ERMAP: variants seen among roughly 807,000 people sequenced by gnomAD.
ERMAP encodes the protein erythroblast membrane associated protein (Scianna blood group), also known as erythroid membrane-associated protein.
In ERMAP, 34 loss-of-function variants were observed where a neutral mutation model predicts 49.5. That is an observed-to-expected ratio of 0.69 (90% CI 0.52 to 0.91). ERMAP has a LOEUF of 0.91. Ranked by LOEUF, ERMAP falls within the 40% of genes least tolerant of loss-of-function variation. The pLI is 0.00. For synonymous variants in ERMAP, 214 were observed against 232.2 expected, an observed-to-expected ratio of 0.92 and a Z score of 0.71; for missense variants, 541 against 582.6, an observed-to-expected ratio of 0.93 and a Z score of 0.74.
chr1:42,834,352 G>A (rs1654832408), intron 4 of ERMAP, among the ~76,000 whole-genome samples: 1 of 152,172 alleles, frequency 6.6e-6, no homozygotes, highest in African/African-American at 2.4e-5. Flanking sequence ...GATTGACAGG[G>A]GTAAACAGGC....
chr1:42,817,948 G>A (rs1484748994), intron 1 of ERMAP: 2 of 152,128 alleles, frequency 1.3e-5, no homozygotes, highest in African/African-American at 2.4e-5. Flanking sequence ...TAATGTATAC[G>A]TGTATATTAT....
chr1:42,835,626 G>T, intron 5 of ERMAP, 106 bp from the exon 6 acceptor site: 1 of 1,455,536 alleles, frequency 6.9e-7, no homozygotes, highest in South Asian at 1.3e-5. Flanking sequence ...TACCTGTAGT[G>T]ACAAGGAGTC....
At chr1:42,817,375 C>G (rs1434021504) in intron 1 of ERMAP, 122 bp downstream of exon 1, 1 of 553,658 alleles carries the variant, frequency 1.8e-6, no homozygotes, top group Non-Finnish European at 2.4e-6. Flanking sequence ...CTTCCGCCCG[C>G]AGGAGCGGCC....
At position 42,830,260 on chromosome 1, in the gene ERMAP, C is replaced by T. The variant is rs1165054801; in HGVS notation, c.-5-184C>T. ...TTTACCCATTTTGAAGATGAAGAAA[C>T]ACAGTCTCAGAGAAGTTCGGTCACA... On this transcript the variant is annotated intron_variant, in intron 2 of 11. Coordinates refer to ENST00000372517, the MANE Select transcript of ERMAP (RefSeq NM_001017922.2). The T allele has an allele frequency of 5.0e-6, 3 of 596,914 alleles. No individual in the cohort carries two copies. In the African/African-American group the frequency reaches 5.6e-5, roughly 11 times the overall value. The allele number at this position is 596,914 out of a possible 1,614,324, so 37.0% of individuals were successfully genotyped here.
chr1:42,830,178 G>C (rs372826881), intron 2 of ERMAP: 2 of 487,366 alleles, frequency 4.1e-6, no homozygotes, highest in African/African-American at 1.9e-5. Context: ...GCCAGCCTCT[G>C]TGTGAGCATT....
chr1:42,823,261 T>TTA (rs1654448572), intron 1 of ERMAP, among the ~76,000 whole-genome samples: 1 of 152,228 alleles, frequency 6.6e-6, no homozygotes, highest in Admixed American at 6.5e-5. Context: ...AATGAATGTT[T>TTA]TACCCATGCA....
At chr1:42,820,268 T>C (rs1654373025) in intron 1 of ERMAP, among the ~76,000 whole-genome samples, 1 of 152,190 alleles carries the variant, frequency 6.6e-6, no homozygotes, top group African/African-American at 2.4e-5. Flanking sequence ...TGAACGTTCA[T>C]AACAAACTGT....
chr1:42,842,456 C>G, intron 11 of ERMAP, 61 bp from the exon 12 acceptor site: 1 of 1,463,252 alleles, frequency 6.8e-7, no homozygotes, highest in Non-Finnish European at 9.2e-7. Flanking sequence ...CCCTCCAAAG[C>G]CATCCCCAAA....
chr1:42,833,554 C>T (rs1654810460), intron 4 of ERMAP, among the ~76,000 whole-genome samples: 1 of 152,018 alleles, frequency 6.6e-6, no homozygotes, highest in Non-Finnish European at 1.5e-5. Flanking sequence ...TAATCAAAGC[C>T]CTGTTTCTGG....
At position 42,844,477 on chromosome 1, in the gene ERMAP, G is replaced by T. The variant is rs1655157081; in HGVS notation, c.*1245G>T. ...AACAGAATCAATATATATTGGGGCA[G>T]GGGGGCGGTGGTTATTATAAGGAAT... On this transcript the variant is annotated 3_prime_UTR_variant, in exon 12 of 12. Coordinates refer to ENST00000372517, the MANE Select transcript of ERMAP (RefSeq NM_001017922.2). This position sits in a 1 kb window ranked among gnomAD's most constrained non-coding sequence, Gnocchi z 4.0. 5.6e-6 allele frequency: 1 copy of T among 177,524 alleles called. No homozygotes were observed. Among genetic ancestry groups the T allele is most frequent in the East Asian group, 1.4e-4 (1 of 7,072 alleles). 11.0% of individuals were successfully genotyped at this position (177,524 alleles called of 1,614,324 possible). A position where few individuals can be genotyped will look rare whatever the true frequency, so the allele number is the denominator to read the frequency against.
Position 42,837,191 on chromosome 1 carries a change from G to A in ERMAP, c.616+1G>A, listed in dbSNP as rs1557612295. 1 of 1,613,590 alleles carries A rather than the reference G, an allele frequency of 6.2e-7. No homozygotes were observed. The highest frequency in any genetic ancestry group is 8.5e-7 in the Non-Finnish European group (1 of 1,179,578). On this transcript the variant is annotated splice_donor_variant, in intron 7 of 11. Coordinates refer to ENST00000372517, the MANE Select transcript of ERMAP (RefSeq NM_001017922.2). LOFTEE classifies it high-confidence loss of function. ...CTTTCAGACCATGCTAAAGAAAAAG[G>A]TAATGATATAAAAGAGTAAGGGGTA...
rs1046750787 is a variant in ERMAP at position 42,819,851 on chromosome 1, G to A, written c.-122+2598G>A. Among the ~76,000 whole-genome samples, 1 of 151,008 alleles carries A rather than the reference G, an allele frequency of 6.6e-6. No individual in the cohort carries two copies. The highest frequency in any genetic ancestry group is 2.4e-5 in the African/African-American group (1 of 40,996). Reference sequence around the variant, plus strand: ...TGCTTAGCCTTGCTTCACAGCTCTTGTCCTAGGATTAGGGACCTAACCACA... The same window carrying A: ...TGCTTAGCCTTGCTTCACAGCTCTTATCCTAGGATTAGGGACCTAACCACA... On this transcript the variant is annotated intron_variant, in intron 1 of 11. Transcript: ENST00000372517. The surrounding 1 kb of genome is among the most constrained non-coding windows in gnomAD (Gnocchi z 5.1).
At chr1:42,839,116 T>A in intron 8 of ERMAP, 195 bp downstream of exon 8, 2 of 763,200 alleles carry the variant, frequency 2.6e-6, no homozygotes, top group Non-Finnish European at 4.3e-6. Context: ...GCACAACTAT[T>A]ATTTAGTCTT....
chr1:42,825,395 GA>G, intron 1 of ERMAP: 6 of 855,144 alleles, frequency 7.0e-6, no homozygotes, highest in Non-Finnish European at 5.6e-6. Context: ...AGCATTGGAG[GA>G]AAAGGGAGTG....
chr1:42,831,775 A>G (rs975168182), intron 4 of ERMAP, among the ~76,000 whole-genome samples: 1 of 151,612 alleles, frequency 6.6e-6, no homozygotes, highest in Admixed American at 6.6e-5. Flanking sequence ...TAGTAGAGAC[A>G]GGGTCTCCCT....
At chr1:42,836,452 G>T (rs1654896743) in intron 6 of ERMAP, among the ~76,000 whole-genome samples, 1 of 152,162 alleles carries the variant, frequency 6.6e-6, no homozygotes, top group African/African-American at 2.4e-5. Flanking sequence ...AGGCTGGGGA[G>T]TGAGGCGGAG....
chr1:42,825,413 C>G (rs1266348638), intron 1 of ERMAP: 1 of 1,054,962 alleles, frequency 9.5e-7, no homozygotes, highest in African/African-American at 1.7e-5. Flanking sequence ...AGTGGAGGGG[C>G]AAACGTGCCT....
At chr1:42,822,633 C>T (rs1396001097) in intron 1 of ERMAP, among the ~76,000 whole-genome samples, 2 of 152,132 alleles carry the variant, frequency 1.3e-5, no homozygotes. Flanking sequence ...CATTCAGTAT[C>T]CTTTCTTCTT....
intron 5 of ERMAP, 115 bp from the exon 6 acceptor site, chr1:42,835,598 TCCTTTCAAATGCCCGCTTA>T: frequency 8.6e-7 from 1 of 1,168,514 alleles, no homozygotes; most frequent in Non-Finnish European, 1.2e-6. Context: ...GACTCTCTAA[TCCTTTCAAATGCCCGCTTA>T]CCTGTAGTGA....
Sources: allele counts gnomAD v4.1 joint callset (sites outside exome capture counted in the v4.1 genomes callset), GRCh38; gene constraint gnomAD v4.1.1; non-coding constraint Gnocchi (gnomAD v3.1); transcripts MANE v1.5; gene names NCBI Gene and HGNC (gene_info 2026-07-23, HGNC 2026-07-21).